The following ADAMTS9 variants were observed in gnomAD, a reference collection of about 807,000 sequenced individuals.
ADAMTS9 encodes the protein A disintegrin and metalloproteinase with thrombospondin motifs 9.
A neutral mutation model predicts 257.1 loss-of-function variants in ADAMTS9; 107 were observed. The observed-to-expected ratio is 0.42, with a 90% CI of 0.36 to 0.49. The LOEUF is 0.49. Among genes scored for constraint, ADAMTS9 ranks in the 20% least tolerant of loss-of-function variants. The pLI, the probability that ADAMTS9 is intolerant of heterozygous loss-of-function variation, is 0.03. For missense variants in ADAMTS9, 2,353 were observed against 2,469.1 expected, an observed-to-expected ratio of 0.95 and a Z score of 1.00; for synonymous variants, 982 against 880.9, an observed-to-expected ratio of 1.11 and a Z score of -2.03.
At chr3:64,517,414 TGG>T (rs2082788414) in intron 39 of ADAMTS9, among the ~76,000 whole-genome samples, 14 of 115,724 alleles carry the variant, frequency 1.2e-4, no homozygotes, top group African/African-American at 4.2e-4. Context: ...TAATTAAAAA[TGG>T]TTTTTTTTTT....
chr3:64,543,712 C>G (rs2083157331), intron 32 of ADAMTS9, among the ~76,000 whole-genome samples: 1 of 152,186 alleles, frequency 6.6e-6, no homozygotes, highest in African/African-American at 2.4e-5. Context: ...TGGCACAAGA[C>G]AGGGATGCCC....
chr3:64,531,484 A>G (rs77324804), intron 38 of ADAMTS9, among the ~76,000 whole-genome samples: 5 of 151,814 alleles, frequency 3.3e-5, no homozygotes, highest in South Asian at 4.1e-4. Context: ...AAAAAAAAAA[A>G]AGAGATGGTG....
intron 28 of ADAMTS9, among the ~76,000 whole-genome samples, chr3:64,579,933 G>A (rs2083951570): frequency 6.6e-6 from 1 of 152,120 alleles, no homozygotes; most frequent in Non-Finnish European, 1.5e-5. Context: ...AAAAGAAGCC[G>A]ACAAGAGGCA....
At chr3:64,567,721 C>T (rs1472915814) in intron 29 of ADAMTS9, among the ~76,000 whole-genome samples, 1 of 151,442 alleles carries the variant, frequency 6.6e-6, no homozygotes, top group Non-Finnish European at 1.5e-5. Flanking sequence ...CCCATACACA[C>T]ATCACACTTG....
Position 64,541,415 on chromosome 3 carries a change from C to G in ADAMTS9, c.5293-1G>C. On this transcript the variant is annotated splice_acceptor_variant, in intron 34 of 39. Transcript: ENST00000498707. LOFTEE classifies it high-confidence loss of function. ...CAGAGTGCATCCCCGCACAGAATAT[C>G]TGAAAGACCATAAATAACCCATGAA... 1 of 1,614,000 alleles carries G rather than the reference C, an allele frequency of 6.2e-7. No homozygotes were observed. Among genetic ancestry groups the G allele is most frequent in the Non-Finnish European group, 8.5e-7 (1 of 1,179,902 alleles).
intron 18 of ADAMTS9, 26 bp downstream of exon 18, chr3:64,622,172 C>A: frequency 6.3e-7 from 1 of 1,576,810 alleles, no homozygotes; most frequent in Non-Finnish European, 8.6e-7. Context: ...TCTCAAATCC[C>A]CAGAACTCAA....
At chr3:64,540,502 A>G (rs1477107965) in intron 36 of ADAMTS9, among the ~76,000 whole-genome samples, 1 of 152,174 alleles carries the variant, frequency 6.6e-6, no homozygotes, top group East Asian at 1.9e-4. Context: ...TTTCTTCTGC[A>G]CATTGACGAC....
intron 8 of ADAMTS9, among the ~76,000 whole-genome samples, chr3:64,651,655 G>A (rs574488741): frequency 6.6e-6 from 1 of 152,252 alleles, no homozygotes; most frequent in African/African-American, 2.4e-5. Flanking sequence ...TTGGATCAGG[G>A]TGACAAATTA....
At chr3:64,550,157 T>C (rs899006495) in intron 31 of ADAMTS9, 10 of 152,206 alleles carry the variant, frequency 6.6e-5, no homozygotes, top group Admixed American at 3.9e-4. Context: ...CTATGATTAC[T>C]ACTGGTTTAT....
chr3:64,619,294 G>C (rs1700046027), intron 19 of ADAMTS9, among the ~76,000 whole-genome samples: 1 of 152,182 alleles, frequency 6.6e-6, no homozygotes, highest in East Asian at 1.9e-4. Context: ...GTAGGGAACA[G>C]GGATGGGGCA....
intron 32 of ADAMTS9, among the ~76,000 whole-genome samples, chr3:64,545,616 G>A (rs2083187071): frequency 6.6e-6 from 1 of 152,076 alleles, no homozygotes; most frequent in Non-Finnish European, 1.5e-5. Context: ...CATGGAGTTG[G>A]GGGCAGGGGG....
At chr3:64,552,623 A>C (rs976142031) in intron 30 of ADAMTS9, among the ~76,000 whole-genome samples, 12 of 143,060 alleles carry the variant, frequency 8.4e-5, no homozygotes, top group African/African-American at 2.9e-4. Flanking sequence ...CTCATGTTGG[A>C]GTGCAGTGAT....
intron 28 of ADAMTS9, among the ~76,000 whole-genome samples, chr3:64,579,459 A>G (rs1028466348): frequency 6.6e-6 from 1 of 152,030 alleles, no homozygotes; most frequent in African/African-American, 2.4e-5. Flanking sequence ...ATTTTTATCT[A>G]TGGCAACTGC....
At position 64,685,691 on chromosome 3, in the gene ADAMTS9, G is replaced by T. The variant is rs556556235; in HGVS notation, c.516+877C>A. ...ATTCCCTGCTAAATGCTATTTGGCA[G>T]CGCAAGAAGGCGGCCTCCCCGCCCT... On this transcript the variant is annotated intron_variant, in intron 2 of 39. Coordinates refer to ENST00000498707, the MANE Select transcript of ADAMTS9 (RefSeq NM_182920.2). Among the ~76,000 whole-genome samples, 173 of 152,348 alleles carry T rather than the reference G, an allele frequency of 1.1e-3. 2 individuals carry two copies. Among genetic ancestry groups the T allele is most frequent in the African/African-American group, 4.0e-3 (168 of 41,580 alleles).
Position 64,642,364 on chromosome 3 carries a change from C to T in ADAMTS9, c.1711-371G>A, listed in dbSNP as rs954781358. ...TTATAAGATTTGCATAGTGAATTTC[C>T]ATCAACAAGGCCTAGAGAAGTTACA... is the stretch of plus-strand genomic sequence containing the variant. On this transcript the variant is annotated intron_variant, in intron 11 of 39. Coordinates refer to ENST00000498707, the MANE Select transcript of ADAMTS9 (RefSeq NM_182920.2). 4.6e-5 allele frequency among the ~76,000 whole-genome samples: 7 copies of T among 152,238 alleles called. No individual in the cohort carries two copies. In the Middle Eastern group the frequency reaches 0.017, roughly 370 times the overall value.
intron 37 of ADAMTS9, among the ~76,000 whole-genome samples, 155 bp downstream of exon 37, chr3:64,539,048 C>CTCCAGAGCATTTG (rs2083088309): frequency 6.6e-6 from 1 of 152,206 alleles, no homozygotes; most frequent in Non-Finnish European, 1.5e-5. Context: ...CGAGATTAGA[C>CTCCAGAGCATTTG]TCCAGAGCAT....
chr3:64,540,838 A>G (rs2083111581), intron 36 of ADAMTS9, among the ~76,000 whole-genome samples: 1 of 151,880 alleles, frequency 6.6e-6, no homozygotes, highest in Non-Finnish European at 1.5e-5. Context: ...TTCATCACAA[A>G]TCGGAGAGAG....
At chr3:64,615,850 C>A in intron 20 of ADAMTS9, 110 bp downstream of exon 20, 1 of 1,293,356 alleles carries the variant, frequency 7.7e-7, no homozygotes, top group Non-Finnish European at 1.1e-6. Flanking sequence ...ACAAATCAAT[C>A]ACGGTCATCT....
intron 14 of ADAMTS9, among the ~76,000 whole-genome samples, chr3:64,632,836 A>T (rs546885980): frequency 0.021 from 3,158 of 151,998 alleles, 101 homozygotes; most frequent in African/African-American, 0.067. Context: ...GGCAAAAAAA[A>T]AAAAACAAAC....
Sources: gnomAD v4.1 joint callset for allele counts (sites outside exome capture counted in the v4.1 genomes callset) on GRCh38, gnomAD v4.1.1 for gene constraint, MANE v1.5 for transcripts, NCBI Gene and HGNC (gene_info 2026-07-23, HGNC 2026-07-21) for gene names.